Variants in ATG3 observed in about 807,000 individuals in gnomAD.
ATG3 encodes the protein autophagy related 3.
In ATG3, 25 loss-of-function variants were observed where a neutral mutation model predicts 50.7. The observed-to-expected ratio is 0.49, with a 90% CI of 0.36 to 0.69. The LOEUF is 0.69. Ranked by LOEUF, ATG3 falls within the 30% of genes least tolerant of loss-of-function variation. The pLI is 0.00. For synonymous variants in ATG3, 119 were observed against 125.5 expected, an observed-to-expected ratio of 0.95 and a Z score of 0.34; for missense variants, 281 against 376.0, an observed-to-expected ratio of 0.75 and a Z score of 2.09.
intron 4 of ATG3, 58 bp from the exon 5 acceptor site, chr3:112,548,698 A>G: frequency 1.4e-6 from 2 of 1,424,280 alleles, no homozygotes; most frequent in East Asian, 4.6e-5. Flanking sequence ...CCATAAATCC[A>G]TTAGAAAGAA....
intron 5 of ATG3, 58 bp from the exon 6 acceptor site, chr3:112,544,164 C>G (rs1933309350): frequency 7.4e-7 from 1 of 1,344,974 alleles, no homozygotes; most frequent in Non-Finnish European, 1.0e-6. Context: ...ACCCTATTTA[C>G]TTATTAAAGC....
In ATG3 at chr3:112,541,938, C is replaced by G. The variant is rs921501769; in HGVS notation, c.394-54G>C. The stretch of plus-strand genomic sequence containing the variant: ...TTAAGTATATACATTAATTTGAACA[C>G]TGAACACCCATGTGCTAGCACAGTG... On this transcript the variant is annotated intron_variant, in intron 6 of 11. Coordinates refer to ENST00000283290, the MANE Select transcript of ATG3 (RefSeq NM_022488.5). 4 of 1,402,392 alleles carry G rather than the reference C, an allele frequency of 2.9e-6. No homozygotes were observed. In the Admixed American group the frequency reaches 6.9e-5, roughly 24 times the overall value. 86.9% of individuals were successfully genotyped at this position (1,402,392 alleles called of 1,614,324 possible). A position where few individuals can be genotyped will look rare whatever the true frequency, so the allele number is the denominator to read the frequency against.
At chr3:112,553,354 GA>G in intron 2 of ATG3, 25 bp from the exon 3 acceptor site, 4 of 1,598,500 alleles carry the variant, frequency 2.5e-6, no homozygotes, top group Non-Finnish European at 3.4e-6. Flanking sequence ...AAAGTAATAT[GA>G]AAAAAAGGAA....
chr3:112,547,746 G>A (rs1181575658), intron 5 of ATG3, among the ~76,000 whole-genome samples: 4 of 152,174 alleles, frequency 2.6e-5, no homozygotes, highest in Admixed American at 6.5e-5. Flanking sequence ...TAGATACTGA[G>A]AATTCAACAA....
At chr3:112,538,296 T>G in intron 7 of ATG3, 116 bp from the exon 8 acceptor site, 1 of 748,224 alleles carries the variant, frequency 1.3e-6, no homozygotes, top group South Asian at 1.9e-5. Context: ...CCTTTGTTTT[T>G]AAGTGAAGAT....
intron 11 of ATG3, chr3:112,533,938 T>G: frequency 9.3e-7 from 1 of 1,080,824 alleles, no homozygotes; most frequent in Non-Finnish European, 1.1e-6. Context: ...TAATTTTACT[T>G]TTACCTGATG....
At chr3:112,547,450 C>A (rs1487565684) in intron 5 of ATG3, among the ~76,000 whole-genome samples, 1 of 152,018 alleles carries the variant, frequency 6.6e-6, no homozygotes. Flanking sequence ...TAACTCCTAA[C>A]CTCTAGGACT....
chr3:112,549,749 C>T (rs1933475844), intron 4 of ATG3, among the ~76,000 whole-genome samples: 2 of 141,646 alleles, frequency 1.4e-5, no homozygotes, highest in Admixed American at 7.5e-5. Context: ...AAAATCAGGC[C>T]ACTGCACTCT....
chr3:112,541,912 C>T, intron 6 of ATG3, 28 bp from the exon 7 acceptor site: 2 of 1,550,600 alleles, frequency 1.3e-6, no homozygotes, highest in Non-Finnish European at 1.8e-6. Flanking sequence ...TTTAAAATCA[C>T]TTAAGTATAT....
chr3:112,534,120 C>T, intron 11 of ATG3, 149 bp downstream of exon 11: 1 of 1,404,090 alleles, frequency 7.1e-7, no homozygotes, highest in Non-Finnish European at 9.2e-7. Context: ...ATAACATTTT[C>T]TAAATAAATG....
chr3:112,541,850 C>T lies in ATG3; in HGVS notation c.428G>A (p.Cys143Tyr), dbSNP rs1477055745. ...NIRLQDCSAL[C>Y]EEEEDEDEGE... ...TTCATCTTCATCTTCTTCCTCTTCACATAGTGCTGAGCAATCTTGAAGCCT... is the reference window on the plus strand; with the variant it reads ...TTCATCTTCATCTTCTTCCTCTTCATATAGTGCTGAGCAATCTTGAAGCCT... Residue 143 changes from cysteine to tyrosine, a missense_variant, in exon 7 of 12, where the codon TGT becomes TAT. This residue lies in a region of ATG3 where 242 missense variants were observed against 305.0 expected (regional missense o/e 0.79). Transcript: ENST00000283290. The T allele has an allele frequency of 6.2e-7, 1 of 1,612,480 alleles. No individual in the cohort carries two copies. Among genetic ancestry groups the T allele is most frequent in the Admixed American group, 1.7e-5 (1 of 60,004 alleles).
intron 3 of ATG3, 145 bp from the exon 4 acceptor site, chr3:112,550,407 T>C: frequency 3.1e-6 from 2 of 635,304 alleles, no homozygotes; most frequent in South Asian, 2.1e-5. Context: ...AAGGACTCCA[T>C]TAAGTAATAC....
chr3:112,543,994 T>C (rs1294524523), intron 6 of ATG3, 63 bp downstream of exon 6: 7 of 1,180,002 alleles, frequency 5.9e-6, no homozygotes, highest in Admixed American at 5.7e-5. Context: ...TGTGTGTGTA[T>C]AGATAGATAG....
intron 5 of ATG3, among the ~76,000 whole-genome samples, chr3:112,547,553 A>G (rs1933401947): frequency 6.6e-6 from 1 of 152,272 alleles, no homozygotes; most frequent in Non-Finnish European, 1.5e-5. Flanking sequence ...AGTTAGCTTC[A>G]GCAGCATATG....
At chr3:112,533,923 C>T (rs1240506456) in intron 11 of ATG3, 12 of 1,061,882 alleles carry the variant, frequency 1.1e-5, no homozygotes, top group Non-Finnish European at 1.4e-5. Flanking sequence ...CAGATTGACA[C>T]AACCTAATTT....
At chr3:112,552,059 A>C (rs1004597118) in intron 3 of ATG3, among the ~76,000 whole-genome samples, 1 of 148,422 alleles carries the variant, frequency 6.7e-6, no homozygotes, top group Admixed American at 6.9e-5. Flanking sequence ...CAGATGAAAG[A>C]GTTTGAAGCT....
rs1482870414 is a variant in ATG3, at chr3:112,558,367, A to G, written c.114+9T>C. On this transcript the variant is annotated intron_variant, in intron 2 of 11. Coordinates refer to ENST00000283290, the MANE Select transcript of ATG3 (RefSeq NM_022488.5). The stretch of plus-strand genomic sequence containing the variant: ...AATAAAAAGACTTCAGTATATCTTC[A>G]GCACTCACCTCTTCTGGGGTAATTA... 2 of 1,599,390 alleles carry G rather than the reference A, an allele frequency of 1.3e-6. No individual in the cohort carries two copies. The highest frequency in any genetic ancestry group is 3.4e-5 in the Admixed American group (2 of 59,402).
chr3:112,555,089 TA>T (rs1264168547), intron 2 of ATG3, among the ~76,000 whole-genome samples: 6 of 152,214 alleles, frequency 3.9e-5, no homozygotes, highest in Admixed American at 3.3e-4. Context: ...TAATTAAAAA[TA>T]AAAAATTCTT....
At chr3:112,548,822 T>C (rs1933445288) in intron 4 of ATG3, among the ~76,000 whole-genome samples, 182 bp from the exon 5 acceptor site, 1 of 152,256 alleles carries the variant, frequency 6.6e-6, no homozygotes, top group Non-Finnish European at 1.5e-5. Context: ...ATTATTTGGC[T>C]ACATTTACCT....
Sources: allele counts gnomAD v4.1 joint callset (sites outside exome capture counted in the v4.1 genomes callset), GRCh38; gene constraint gnomAD v4.1.1; regional missense constraint gnomAD v4.1.1; transcripts MANE v1.5; gene names NCBI Gene and HGNC (gene_info 2026-07-23, HGNC 2026-07-21).